The following FUS variants were observed in gnomAD, a reference collection of about 807,000 sequenced individuals.
The protein encoded by FUS is FUS RNA binding protein.
FUS carries 5 observed loss-of-function variants against 82.7 expected under a neutral mutation model. The ratio of observed to expected loss-of-function variants is 0.06; its 90% CI spans 0.03 to 0.13. FUS has a LOEUF of 0.13. Among genes scored for constraint, FUS ranks in the 10% least tolerant of loss-of-function variants. The probability of loss-of-function intolerance (pLI) is 1.00; values close to 1 mark genes in which losing one functional copy is unlikely to be tolerated. For synonymous variants in FUS, 281 were observed against 247.4 expected (o/e 1.14, Z -1.27); for missense variants, 512 against 707.8 (o/e 0.72, Z 3.14).
chr16:31,188,418 G>A (rs969204250), intron 8 of FUS, 61 bp downstream of exon 8: 12 of 1,554,420 alleles, frequency 7.7e-6, no homozygotes, highest in African/African-American at 1.4e-5. Context: ...CTGCCTGGAT[G>A]TTCTTTGAAA....
At chr16:31,192,885 T>C (rs1325238370), downstream of FUS, 3 of 485,782 alleles carry the variant, frequency 6.2e-6, no homozygotes, top group East Asian at 1.5e-4. Flanking sequence ...CTCTCAAATT[T>C]TCAAGTGTTC....
In FUS at chr16:31,185,054, T is replaced by C; in HGVS notation, c.639T>C (p.Arg213=). The C allele has an allele frequency of 6.2e-7, 1 of 1,611,950 alleles. No individual in the cohort carries two copies. Among genetic ancestry groups the C allele is most frequent in the Middle Eastern group, 1.7e-4 (1 of 6,060 alleles). Residue 213 remains arginine (R), a synonymous_variant, in exon 6 of 15, where the codon CGT becomes CGC. Transcript: ENST00000254108. ...GCGGTGGCTATGGACAGCAGGACCG[T>C]GGAGGCCGCGGCAGGGGTGGCAGTG... ...GGSGGYGQQD[R]GGRGRGGSGG...
chr16:31,192,495 G>A (rs2079375037), downstream of FUS: 1 of 515,666 alleles, frequency 1.9e-6, no homozygotes, highest in African/African-American at 1.9e-5. Flanking sequence ...TAAGACAGCT[G>A]CCATCACAAG....
chr16:31,184,797 G>C (rs1417651777), intron 5 of FUS, 142 bp from the exon 6 acceptor site: 1 of 858,822 alleles, frequency 1.2e-6, no homozygotes, highest in Non-Finnish European at 1.9e-6. Flanking sequence ...CTTAAAAGAG[G>C]GTTCCTGTCT....
intron 5 of FUS, 141 bp downstream of exon 5, chr16:31,184,537 G>A: frequency 1.1e-6 from 1 of 879,552 alleles, no homozygotes; most frequent in Non-Finnish European, 1.8e-6. Flanking sequence ...TCCGCCTTCC[G>A]GGTTCGCGCC....
chr16:31,180,355 C>T (rs1173752421), intron 1 of FUS, 128 bp downstream of exon 1: 8 of 1,244,640 alleles, frequency 6.4e-6, no homozygotes, highest in Non-Finnish European at 9.1e-6. Context: ...TGGCGGGAAG[C>T]CGCGGAGAAG....
chr16:31,182,451 T>C (rs1388270332), intron 2 of FUS, 29 bp downstream of exon 2: 1 of 1,614,172 alleles, frequency 6.2e-7, no homozygotes, highest in Non-Finnish European at 8.5e-7. Flanking sequence ...CTTCCAGAGT[T>C]TGTAGAGGGC....
intron 5 of FUS, 63 bp from the exon 6 acceptor site, chr16:31,184,876 C>CTT: frequency 6.4e-7 from 1 of 1,562,026 alleles, no homozygotes; most frequent in Non-Finnish European, 8.8e-7. Context: ...CTTTTCAAAC[C>CTT]TTTTAGTGCT....
At chr16:31,182,686 A>G (rs201655777) in intron 3 of FUS, 22 bp downstream of exon 3, 2 of 1,613,958 alleles carry the variant, frequency 1.2e-6, no homozygotes, top group East Asian at 4.5e-5. Flanking sequence ...TCAGCGGGTC[A>G]CCTCTTCCTA....
chr16:31,190,660 T>G, intron 12 of FUS, 82 bp from the exon 13 acceptor site: 1 of 1,369,136 alleles, frequency 7.3e-7, no homozygotes, highest in Non-Finnish European at 1.0e-6. Flanking sequence ...ACTGTATCTC[T>G]AAAGTCACCG....
chr16:31,190,877 A>T, intron 13 of FUS, 35 bp downstream of exon 13: 1 of 1,613,356 alleles, frequency 6.2e-7, no homozygotes, highest in Non-Finnish European at 8.5e-7. Flanking sequence ...GGGAGCTGGG[A>T]CCAAAGAATC....
chr16:31,192,859 G>T (rs1170943437), downstream of FUS: 3 of 484,506 alleles, frequency 6.2e-6, no homozygotes, highest in African/African-American at 3.9e-5. Context: ...GGCATGAGCC[G>T]CTGCATCTGG....
downstream of FUS, chr16:31,193,931 C>T (rs2079391814): frequency 1.9e-6 from 1 of 529,548 alleles, no homozygotes; most frequent in Admixed American, 2.2e-5. Context: ...ACAGGTGTGA[C>T]CCACTGCGTT....
chr16:31,184,948 G>A lies in FUS; in HGVS notation c.533G>A (p.Gly178Asp). 4 of 1,613,116 alleles carry A rather than the reference G, an allele frequency of 2.5e-6. No homozygotes were observed. The highest frequency in any genetic ancestry group is 1.7e-6 in the Non-Finnish European group (2 of 1,179,788). Residue 178 changes from glycine (G) to aspartate (D), a missense_variant, in exon 6 of 15, where the codon GGC (glycine) becomes GAC (aspartate). Physicochemically the swap from Gly to Asp is moderately conservative, Grantham distance 94. Around this residue, in one of 6 missense-constraint regions of FUS, gnomAD observed 276 missense variants for 303.3 expected, o/e 0.91. Transcript: ENST00000254108. ...CTTTCTTTTCTCACAGGTAACTATG[G>A]CCAAGATCAATCCTCCATGAGTAGT... ...GGGGGGGGNY[G>D]QDQSSMSSGG...
At chr16:31,180,423 G>C (rs1290193966) in intron 1 of FUS, among the ~76,000 whole-genome samples, 196 bp downstream of exon 1, 4 of 152,162 alleles carry the variant, frequency 2.6e-5, no homozygotes. Context: ...CCTCGCGCGC[G>C]GGGCGGGAAG....
downstream of FUS, chr16:31,192,899 A>G: frequency 4.1e-6 from 2 of 486,340 alleles, no homozygotes; most frequent in African/African-American, 1.9e-5. Context: ...AGTGTTCCAC[A>G]AGTATGTTCT....
In FUS at chr16:31,182,621, C is replaced by A. The variant is rs741810; in HGVS notation, c.147C>A (p.Gly49=). The stretch of plus-strand genomic sequence containing the variant: ...ATAGCCAGTCCACGGACACTTCAGG[C>A]TATGGCCAGAGCAGCTATTCTTCTT... The part of the protein sequence containing the change: ...SGYSQSTDTS[G]YGQSSYSSYG... The change falls in exon 3 of 15, where the codon GGC becomes GGA. Residue 49 remains glycine, a synonymous_variant. Coordinates refer to ENST00000254108, the MANE Select transcript of FUS (RefSeq NM_004960.4). 0.31 allele frequency: 504,532 copies of A among 1,613,822 alleles called. 84,595 individuals are homozygous for A. The highest frequency in any genetic ancestry group is 0.51 in the South Asian group (46,305 of 91,084).
At position 31,184,017 on chromosome 16, in the gene FUS, A is replaced by G. The variant is rs1351612749; in HGVS notation, c.335+15A>G. The G allele has an allele frequency of 6.2e-7, 1 of 1,614,008 alleles. No individual in the cohort carries two copies. Among genetic ancestry groups the G allele is most frequent in the Non-Finnish European group, 8.5e-7 (1 of 1,179,992 alleles). ...ACCTCGGGAAGGTACGGTGGTGTTG[A>G]TGTCGGGGAAGGCTTGAAAAGAGGG... On this transcript the variant is annotated intron_variant, in intron 4 of 14. Coordinates refer to ENST00000254108, the MANE Select transcript of FUS (RefSeq NM_004960.4).
chr16:31,186,409 C>T (rs959399365), intron 6 of FUS: 4 of 386,750 alleles, frequency 1.0e-5, no homozygotes, highest in Non-Finnish European at 1.9e-5. Context: ...AAGGCTACCC[C>T]AGCCTGGTGT....
Sources: gnomAD v4.1 joint callset for allele counts (sites outside exome capture counted in the v4.1 genomes callset) on GRCh38, gnomAD v4.1.1 for gene constraint, gnomAD v4.1.1 regional missense constraint, MANE v1.5 for transcripts, NCBI Gene and HGNC (gene_info 2026-07-23, HGNC 2026-07-21) for gene names.